NYAP2: variants seen among roughly 807,000 people sequenced by gnomAD.
The protein encoded by NYAP2 is neuronal tyrosine-phosphorylated phosphoinositide-3-kinase adaptor 2.
A neutral mutation model predicts 50.4 loss-of-function variants in NYAP2; 23 were observed. The ratio of observed to expected loss-of-function variants is 0.46; its 90% CI spans 0.33 to 0.65. NYAP2 has a LOEUF of 0.65. NYAP2 is among the 30% of genes least tolerant of loss of function. The pLI is 0.02. For synonymous variants in NYAP2, 394 were observed against 365.2 expected (o/e 1.08, Z -0.90); for missense variants, 885 against 861.0 (o/e 1.03, Z -0.35).
chr2:225,475,499 A>AG (rs1449070772), intron 3 of NYAP2, among the ~76,000 whole-genome samples: 1 of 152,244 alleles, frequency 6.6e-6, no homozygotes, highest in Non-Finnish European at 1.5e-5. Context: ...TAAATAAGGT[A>AG]GGGAAAAACA....
intron 4 of NYAP2, among the ~76,000 whole-genome samples, chr2:225,547,339 T>C (rs1043842930): frequency 6.6e-6 from 1 of 152,210 alleles, no homozygotes; most frequent in Non-Finnish European, 1.5e-5. Flanking sequence ...CACTAGATCA[T>C]GTGCCCTGCA....
intron 3 of NYAP2, among the ~76,000 whole-genome samples, chr2:225,437,774 C>A (rs1689405030): frequency 6.6e-6 from 1 of 152,198 alleles, no homozygotes; most frequent in African/African-American, 2.4e-5. Flanking sequence ...AGTAAGGTGA[C>A]CAACATGAAA....
At chr2:225,526,813 GT>G (rs1424253633) in intron 4 of NYAP2, among the ~76,000 whole-genome samples, 1 of 152,166 alleles carries the variant, frequency 6.6e-6, no homozygotes, top group Non-Finnish European at 1.5e-5. Flanking sequence ...GTGTTCTAAT[GT>G]GTATTCTTGT....
At chr2:225,659,041 C>T in the NYAP2 span, among the ~76,000 whole-genome samples, 1 of 152,214 alleles carries the variant, frequency 6.6e-6, no homozygotes, top group Non-Finnish European at 1.5e-5. Flanking sequence ...CTGCCGCCAA[C>T]AACCTTGTCA....
rs373007112 is a variant in NYAP2, at chr2:225,426,361, G to C, written c.221+17260G>C. 1.9e-4 allele frequency among the ~76,000 whole-genome samples: 29 copies of C among 152,162 alleles called. No homozygotes were observed. In the East Asian group the frequency reaches 2.1e-3, roughly 11 times the overall value. ...ATGTTGTAAGAAATAAATGACTTTA[G>C]ACTCAATGAAAACATAAAAGAGAAT... is the stretch of plus-strand genomic sequence containing the variant. On this transcript the variant is annotated intron_variant, in intron 3 of 6. Coordinates refer to ENST00000636099, the Ensembl canonical transcript of NYAP2.
At chr2:225,429,244 A>G (rs539706435) in intron 3 of NYAP2, among the ~76,000 whole-genome samples, 1 of 152,332 alleles carries the variant, frequency 6.6e-6, no homozygotes, top group Admixed American at 6.5e-5. Context: ...TATGAATCAA[A>G]TCTGGCAGAC....
chr2:225,659,659 AG>A, the NYAP2 span, among the ~76,000 whole-genome samples: 42 of 152,206 alleles, frequency 2.8e-4, no homozygotes, highest in African/African-American at 9.9e-4. Context: ...TGAGACTTAC[AG>A]GAAGTAAAGA....
intron 4 of NYAP2, among the ~76,000 whole-genome samples, chr2:225,566,316 C>T (rs1009565608): frequency 6.6e-6 from 1 of 152,120 alleles, no homozygotes; most frequent in Admixed American, 6.5e-5. Context: ...GCTGCTTCCT[C>T]TGTGATCTCA....
intron 5 of NYAP2, among the ~76,000 whole-genome samples, chr2:225,612,046 A>G (rs1390534376): frequency 1.3e-5 from 2 of 150,006 alleles, no homozygotes; most frequent in East Asian, 3.9e-4. Flanking sequence ...TCTTGTTTCA[A>G]TGTTACCAAT....
intron 4 of NYAP2, among the ~76,000 whole-genome samples, chr2:225,522,498 T>C (rs1398372232): frequency 6.6e-6 from 1 of 152,156 alleles, no homozygotes; most frequent in Non-Finnish European, 1.5e-5. Context: ...CAGAACCAAG[T>C]GAAGCTGAAG....
the NYAP2 span, among the ~76,000 whole-genome samples, chr2:225,677,462 G>GA: frequency 6.6e-6 from 1 of 152,120 alleles, no homozygotes; most frequent in Admixed American, 6.6e-5. Context: ...ATAGAGTGGT[G>GA]AGAGTGGGCA....
chr2:225,575,767 T>C (rs1218891504), intron 4 of NYAP2, among the ~76,000 whole-genome samples: 1 of 152,190 alleles, frequency 6.6e-6, no homozygotes, highest in African/African-American at 2.4e-5. Flanking sequence ...AGAAAAAGAA[T>C]TTATAGATCA....
intron 5 of NYAP2, among the ~76,000 whole-genome samples, chr2:225,618,770 T>C (rs1693036829): frequency 6.6e-6 from 1 of 152,214 alleles, no homozygotes; most frequent in South Asian, 2.1e-4. Flanking sequence ...CCCAAAGCAT[T>C]GGAACTTGGT....
chr2:225,656,621 G>C (rs1036749057), downstream of NYAP2, among the ~76,000 whole-genome samples: 9 of 152,190 alleles, frequency 5.9e-5, no homozygotes, highest in Non-Finnish European at 8.8e-5. Context: ...ATAGCTTGAT[G>C]CATATCTAGA....
chr2:225,542,464 T>G (rs965357322), intron 4 of NYAP2, among the ~76,000 whole-genome samples: 18 of 152,138 alleles, frequency 1.2e-4, no homozygotes, highest in African/African-American at 4.1e-4. Flanking sequence ...GTTTTTTGAG[T>G]TTTTTAAATC....
At chr2:225,558,940 C>T (rs755664648) in intron 4 of NYAP2, among the ~76,000 whole-genome samples, 3 of 152,082 alleles carry the variant, frequency 2.0e-5, no homozygotes, top group Non-Finnish European at 4.4e-5. Flanking sequence ...CACTGTGACA[C>T]GTTACCAGAA....
chr2:225,479,333 A>G (rs975904730), intron 3 of NYAP2, among the ~76,000 whole-genome samples: 5 of 152,186 alleles, frequency 3.3e-5, no homozygotes, highest in Admixed American at 2.6e-4. Context: ...AATTTAAAAT[A>G]TAAGTTGTCC....
At chr2:225,596,490 A>G (rs945872702) in intron 5 of NYAP2, among the ~76,000 whole-genome samples, 2 of 152,196 alleles carry the variant, frequency 1.3e-5, no homozygotes, top group Non-Finnish European at 1.5e-5. Context: ...GACCTCCCCA[A>G]TTAAATGGTA....
At chr2:225,545,950 G>T (rs1559210707) in intron 4 of NYAP2, among the ~76,000 whole-genome samples, 2 of 152,152 alleles carry the variant, frequency 1.3e-5, no homozygotes, top group African/African-American at 4.8e-5. Context: ...TAGATGTACT[G>T]CCTTGGTGGT....
Sources: gnomAD v4.1 joint callset for allele counts (sites outside exome capture counted in the v4.1 genomes callset) on GRCh38, gnomAD v4.1.1 for gene constraint, MANE v1.5 for transcripts, NCBI Gene and HGNC (gene_info 2026-07-23, HGNC 2026-07-21) for gene names.